ELOVL7: variants seen among roughly 807,000 people sequenced by gnomAD.
ELOVL7 encodes the protein ELOVL fatty acid elongase 7.
In ELOVL7, 27 loss-of-function variants were observed where a neutral mutation model predicts 35.7. The observed-to-expected ratio is 0.76, with a 90% CI of 0.56 to 1.04. The LOEUF is 1.04. Ranked by LOEUF, ELOVL7 falls within the 50% of genes least tolerant of loss-of-function variation. ELOVL7 has a pLI of 0.00. For missense variants in ELOVL7, 327 were observed against 340.8 expected (o/e 0.96, Z 0.32); for synonymous variants, 113 against 114.6 (o/e 0.99, Z 0.09).
intron 3 of ELOVL7, among the ~76,000 whole-genome samples, chr5:60,785,239 C>T (rs182592926): frequency 1.5e-3 from 233 of 152,218 alleles, no homozygotes; most frequent in Non-Finnish European, 3.0e-3. Flanking sequence ...TTCCCTGCAC[C>T]GTTTGCAATG....
intron 3 of ELOVL7, chr5:60,785,798 A>G (rs1743542804): frequency 6.6e-6 from 1 of 152,210 alleles, no homozygotes. Context: ...ACCACAGTGA[A>G]GCTTCTCTCT....
chr5:60,792,916 T>C (rs1171612529), intron 2 of ELOVL7, among the ~76,000 whole-genome samples: 1 of 152,190 alleles, frequency 6.6e-6, no homozygotes, highest in African/African-American at 2.4e-5. Context: ...TCTACAAACC[T>C]ATCCCCTTGA....
At chr5:60,830,819 T>C (rs1171526872) in intron 1 of ELOVL7, among the ~76,000 whole-genome samples, 1 of 152,142 alleles carries the variant, frequency 6.6e-6, no homozygotes, top group Non-Finnish European at 1.5e-5. Flanking sequence ...CAGAGGCTTT[T>C]AAGCAAAGCA....
At chr5:60,771,799 A>G (rs1742606076) in intron 4 of ELOVL7, 104 bp downstream of exon 4, 2 of 849,332 alleles carry the variant, frequency 2.4e-6, no homozygotes, top group Non-Finnish European at 1.8e-6. Context: ...CAGTTTCTTA[A>G]TTCCTTAAAT....
chr5:60,818,478 G>T (rs1354662527), intron 1 of ELOVL7, among the ~76,000 whole-genome samples: 1 of 152,046 alleles, frequency 6.6e-6, no homozygotes, highest in Non-Finnish European at 1.5e-5. Flanking sequence ...TGTAACACTG[G>T]TTACTTGAAT....
intron 7 of ELOVL7, 101 bp from the exon 8 acceptor site, chr5:60,757,746 G>A: frequency 4.0e-6 from 4 of 1,006,202 alleles, no homozygotes; most frequent in East Asian, 2.7e-5. Context: ...TTGCATTTTG[G>A]AAAAAAATAT....
chr5:60,816,281 TAGG>T (rs1018860283), intron 1 of ELOVL7, among the ~76,000 whole-genome samples: 10 of 151,388 alleles, frequency 6.6e-5, no homozygotes, highest in African/African-American at 2.4e-4. Flanking sequence ...CAGGTTGAGA[TAGG>T]AGAATTGCTA....
intron 1 of ELOVL7, among the ~76,000 whole-genome samples, chr5:60,799,444 C>T (rs1009126206): frequency 4.0e-5 from 6 of 149,924 alleles, no homozygotes; most frequent in Admixed American, 1.3e-4. Context: ...TTTAGCTGCA[C>T]GAAGGAAAAA....
intron 1 of ELOVL7, among the ~76,000 whole-genome samples, chr5:60,838,315 C>T (rs769032437): frequency 6.6e-6 from 1 of 152,192 alleles, no homozygotes; most frequent in Non-Finnish European, 1.5e-5. Context: ...TGCCCTAACT[C>T]GCACTCTTCC....
intron 4 of ELOVL7, 26 bp from the exon 5 acceptor site, chr5:60,767,929 G>A (rs1392282008): frequency 1.3e-6 from 2 of 1,587,020 alleles, no homozygotes; most frequent in Non-Finnish European, 1.7e-6. Context: ...TGCATATTAA[G>A]AAAGGAAAGC....
At chr5:60,767,284 G>C (rs886917647) in intron 5 of ELOVL7, among the ~76,000 whole-genome samples, 3 of 152,034 alleles carry the variant, frequency 2.0e-5, no homozygotes, top group African/African-American at 7.2e-5. Flanking sequence ...AGTAGAGATG[G>C]GGTTTCACCG....
intron 3 of ELOVL7, among the ~76,000 whole-genome samples, chr5:60,784,861 T>C (rs1389808159): frequency 6.6e-6 from 1 of 152,184 alleles, no homozygotes; most frequent in Non-Finnish European, 1.5e-5. Context: ...AAAAAAATTA[T>C]GTAAAGAAAA....
intron 3 of ELOVL7, 34 bp downstream of exon 3, chr5:60,787,300 G>A (rs769260268): frequency 6.5e-7 from 1 of 1,529,568 alleles, no homozygotes; most frequent in South Asian, 1.2e-5. Flanking sequence ...TAAAAAGGAA[G>A]GATGAACCTC....
chr5:60,794,404 C>T (rs1744121063), intron 2 of ELOVL7, among the ~76,000 whole-genome samples: 1 of 152,224 alleles, frequency 6.6e-6, no homozygotes, highest in Non-Finnish European at 1.5e-5. Context: ...CACCTGGTCA[C>T]TTTGTCCTTT....
intron 1 of ELOVL7, among the ~76,000 whole-genome samples, chr5:60,831,247 C>G (rs758059210): frequency 5.9e-5 from 9 of 152,146 alleles, no homozygotes; most frequent in Non-Finnish European, 1.3e-4. Flanking sequence ...TTCATGTTAA[C>G]CTAATCTGCC....
chr5:60,767,957 A>G, intron 4 of ELOVL7, 54 bp from the exon 5 acceptor site: 2 of 1,419,004 alleles, frequency 1.4e-6, no homozygotes, highest in Admixed American at 1.7e-5. Context: ...CAACAGCCAC[A>G]ACAAAGGTAG....
chr5:60,795,632 T>G (rs1744207722), intron 2 of ELOVL7, among the ~76,000 whole-genome samples: 5 of 152,232 alleles, frequency 3.3e-5, no homozygotes. Flanking sequence ...CAGGGCTGAA[T>G]GCCGATGTCG....
intron 1 of ELOVL7, among the ~76,000 whole-genome samples, chr5:60,828,445 C>G (rs1746300236): frequency 6.6e-6 from 1 of 151,924 alleles, no homozygotes. Flanking sequence ...AAACATATAC[C>G]TAACAGCTCA....
chr5:60,809,033 TG>T (rs1745104493), intron 1 of ELOVL7, among the ~76,000 whole-genome samples: 1 of 152,172 alleles, frequency 6.6e-6, no homozygotes, highest in African/African-American at 2.4e-5. Context: ...GAGAACAAAA[TG>T]GTTTTTTCTT....
Sources: allele counts gnomAD v4.1 joint callset (sites outside exome capture counted in the v4.1 genomes callset), GRCh38; gene constraint gnomAD v4.1.1; transcripts MANE v1.5; gene names NCBI Gene and HGNC (gene_info 2026-07-23, HGNC 2026-07-21).